Variants in DNAH17 observed in about 807,000 individuals in gnomAD.
DNAH17 encodes the protein dynein axonemal heavy chain 17.
A neutral mutation model predicts 485.6 loss-of-function variants in DNAH17; 376 were observed. That is an observed-to-expected ratio of 0.77 (90% confidence interval 0.71 to 0.84). The LOEUF (loss-of-function observed/expected upper bound fraction) is 0.84. DNAH17 is among the 40% of genes least tolerant of loss of function. The pLI, the probability that DNAH17 is intolerant of heterozygous loss-of-function variation, is 0.00. For synonymous variants in DNAH17, 3,031 were observed against 2,405.9 expected (o/e 1.26, Z -7.60); for missense variants, 6,370 against 5,839.3 (o/e 1.09, Z -2.96).
rs750001256 is a variant in DNAH17, at chr17:78,449,511, T to A, written c.11114A>T (p.Asn3705Ile). 3.1e-6 allele frequency: 5 copies of A among 1,593,096 alleles called. No individual in the cohort carries two copies. In the African/African-American group the frequency reaches 6.7e-5, roughly 21 times the overall value. Residue 3705 changes from asparagine to isoleucine, a missense_variant, in exon 69 of 81, where the codon AAC becomes ATC. Coordinates refer to ENST00000389840, the MANE Select transcript of DNAH17 (RefSeq NM_173628.4). ...PANEVKQRVINLTDEITYSVY... is the reference protein window; with the variant it reads ...PANEVKQRVIILTDEITYSVY... Reference sequence around the variant, plus strand: ...GGAGTAGGTGATCTCGTCCGTCAGGTTGATCACCCGCTGCTTCACCTCGTT... The same window carrying A: ...GGAGTAGGTGATCTCGTCCGTCAGGATGATCACCCGCTGCTTCACCTCGTT...
chr17:78,458,374 A>G (rs757369744), intron 62 of DNAH17, 191 bp downstream of exon 62: 8 of 599,442 alleles, frequency 1.3e-5, no homozygotes, highest in Non-Finnish European at 2.1e-5. Flanking sequence ...GCGACAGGGC[A>G]TATTTTGTGG....
intron 13 of DNAH17, among the ~76,000 whole-genome samples, chr17:78,558,515 GACATCACCCTCATGGGTGGA>G (rs2092079123): frequency 2.0e-5 from 3 of 151,106 alleles, no homozygotes; most frequent in African/African-American, 7.4e-5. Flanking sequence ...ATGGGTGGAT[GACATCACCCTCATGGGTGGA>G]TGACATCATC....
At chr17:78,550,315 G>A (rs1242029098) in intron 16 of DNAH17, among the ~76,000 whole-genome samples, 10 of 9,034 alleles carry the variant, frequency 1.1e-3, no homozygotes, top group East Asian at 5.3e-3. Context: ...ACAGGCTCAT[G>A]CAGGAAGGAG....
rs528176382 is a variant in DNAH17 at position 78,425,405 on chromosome 17, C to G, written c.13082G>C (p.Arg4361Pro). ...CLSVEVTKKNREDMTAPPREG... is the reference protein window; with the variant it reads ...CLSVEVTKKNPEDMTAPPREG... The stretch of plus-strand genomic sequence containing the variant: ...TCGCGGAGGAGCGGTCATGTCCTCT[C>G]GGTTTTTCTTGGTCACCTCGACAGA... Residue 4361 changes from arginine to proline, a missense_variant, in exon 80 of 81, where the codon CGA (arginine) becomes CCA (proline). Arg to Pro is a moderately radical substitution (Grantham distance 103). Transcript: ENST00000389840. 7.4e-6 allele frequency: 12 copies of G among 1,613,866 alleles called. No homozygotes were observed. In the South Asian group the frequency reaches 1.1e-4, roughly 15 times the overall value.
rs1278966706 is a variant in DNAH17 at position 78,451,565 on chromosome 17, G to A, written c.10638C>T (p.Cys3546=). 6.2e-7 allele frequency: 1 copy of A among 1,613,730 alleles called. No homozygotes were observed. Among genetic ancestry groups the A allele is most frequent in the East Asian group, 2.2e-5 (1 of 44,836 alleles). ...TGGTGACCAGGAAGTTGATGAGGGT[G>A]CACTGAGCCTGCATCTCTGGCTTGT... ...PHYKPEMQAQ[C]TLINFLVTRD... Residue 3546 remains cysteine, a synonymous_variant, in exon 66 of 81, where the codon TGC becomes TGT. Coordinates refer to ENST00000389840, the MANE Select transcript of DNAH17 (RefSeq NM_173628.4).
chr17:78,463,141 C>G (rs1381154906), intron 56 of DNAH17, 64 bp from the exon 57 acceptor site: 6 of 1,486,116 alleles, frequency 4.0e-6, no homozygotes, highest in East Asian at 2.3e-5. Flanking sequence ...AAGTGGGGCT[C>G]CCCAGACTCA....
intron 22 of DNAH17, among the ~76,000 whole-genome samples, 163 bp from the exon 23 acceptor site, chr17:78,527,159 G>A (rs1161200158): frequency 6.6e-6 from 1 of 152,150 alleles, no homozygotes; most frequent in Admixed American, 6.6e-5. Context: ...GAGATGGAAG[G>A]ATCACTTGAG....
chr17:78,460,565 C>T (rs1041072246), intron 58 of DNAH17, among the ~76,000 whole-genome samples: 3 of 152,186 alleles, frequency 2.0e-5, no homozygotes, highest in Non-Finnish European at 4.4e-5. Flanking sequence ...GCTCCTTTGC[C>T]GACATCCCTG....
intron 1 of DNAH17, 91 bp from the exon 2 acceptor site, chr17:78,575,173 A>G: frequency 1.1e-6 from 1 of 894,472 alleles, no homozygotes; most frequent in Non-Finnish European, 1.7e-6. Flanking sequence ...CTCTGTTTCT[A>G]CCGGAGCAGG....
In DNAH17 at chr17:78,434,032, G is replaced by C; in HGVS notation, c.12222C>G (p.Pro4074=). Residue 4074 remains proline, a synonymous_variant, in exon 75 of 81, where the codon CCC becomes CCG. Coordinates refer to ENST00000389840, the MANE Select transcript of DNAH17 (RefSeq NM_173628.4). ...NVLYNYLEAN[P]KVPWDDLRYL... The stretch of plus-strand genomic sequence containing the variant: ...CAGGGCACACACAGCCCCTCACCTT[G>C]GGGTTGGCCTCCAGGTAGTTGTAGA... 1 of 1,602,522 alleles carries C rather than the reference G, an allele frequency of 6.2e-7. No homozygotes were observed. Among genetic ancestry groups the C allele is most frequent in the African/African-American group, 1.3e-5 (1 of 74,330 alleles).
chr17:78,467,241 A>G (rs1020783865), intron 55 of DNAH17, among the ~76,000 whole-genome samples: 1 of 152,158 alleles, frequency 6.6e-6, no homozygotes, highest in African/African-American at 2.4e-5. Flanking sequence ...CCAGCTGGAG[A>G]AGGTGCTGTG....
intron 58 of DNAH17, among the ~76,000 whole-genome samples, chr17:78,461,120 C>T (rs1371002777): frequency 1.3e-5 from 2 of 151,404 alleles, no homozygotes; most frequent in Non-Finnish European, 2.9e-5. Context: ...CCTACCCTCT[C>T]GGGGGGGGCC....
intron 75 of DNAH17, among the ~76,000 whole-genome samples, chr17:78,433,179 C>T (rs1388730678): frequency 1.3e-5 from 2 of 152,194 alleles, no homozygotes; most frequent in Admixed American, 6.5e-5. Context: ...GGGCGAGGGG[C>T]TCCTGGGCCT....
intron 66 of DNAH17, 123 bp downstream of exon 66, chr17:78,451,346 C>G: frequency 1.2e-6 from 1 of 869,026 alleles, no homozygotes; most frequent in Non-Finnish European, 1.8e-6. Flanking sequence ...CACTGAGGCA[C>G]CTTCAGAGAG....
intron 44 of DNAH17, among the ~76,000 whole-genome samples, chr17:78,487,738 T>C (rs1380422134): frequency 6.6e-6 from 1 of 152,150 alleles, no homozygotes; most frequent in Non-Finnish European, 1.5e-5. Context: ...TTGGCCAGGC[T>C]GGTCTTGAAC....
chr17:78,493,474 T>C (rs917547938), intron 41 of DNAH17, among the ~76,000 whole-genome samples: 8 of 152,262 alleles, frequency 5.3e-5, no homozygotes, highest in Non-Finnish European at 2.9e-5. Context: ...ACATTTCCTG[T>C]ATGTGTATGT....
chr17:78,470,005 A>C (rs2088670983), intron 54 of DNAH17, among the ~76,000 whole-genome samples: 1 of 151,800 alleles, frequency 6.6e-6, no homozygotes, highest in Admixed American at 6.6e-5. Context: ...TGATGGTCAC[A>C]CAACAGTGTG....
At chr17:78,515,139 GAACT>G in intron 25 of DNAH17, 117 bp from the exon 26 acceptor site, 1 of 1,178,466 alleles carries the variant, frequency 8.5e-7, no homozygotes, top group Non-Finnish European at 1.2e-6. Flanking sequence ...GGAATATTTA[GAACT>G]AATACCCGAG....
intron 44 of DNAH17, among the ~76,000 whole-genome samples, chr17:78,488,626 A>G (rs1416438117): frequency 6.6e-6 from 1 of 152,124 alleles, no homozygotes; most frequent in East Asian, 1.9e-4. Flanking sequence ...CACATGGTAC[A>G]GTGGGTAGGA....
Sources: allele counts gnomAD v4.1 joint callset (sites outside exome capture counted in the v4.1 genomes callset), GRCh38; gene constraint gnomAD v4.1.1; transcripts MANE v1.5; gene names NCBI Gene and HGNC (gene_info 2026-07-23, HGNC 2026-07-21).